Variants in TMEM131 observed in about 807,000 individuals in gnomAD.
The protein encoded by TMEM131 is transmembrane protein 131, also known as 2610524E03Rik.
Under a neutral mutation model 211.6 loss-of-function variants are expected in TMEM131, and 66 were observed. The ratio of observed to expected loss-of-function variants is 0.31; its 90% CI spans 0.26 to 0.38. The LOEUF (loss-of-function observed/expected upper bound fraction) is 0.38. Among genes scored for constraint, TMEM131 ranks in the 10% least tolerant of loss-of-function variants. The pLI, the probability that TMEM131 is intolerant of heterozygous loss-of-function variation, is 1.00. For missense variants in TMEM131, 2,036 were observed against 2,299.3 expected, an observed-to-expected ratio of 0.89 and a Z score of 2.34; for synonymous variants, 844 against 841.3, an observed-to-expected ratio of 1.00 and a Z score of -0.06.
intron 13 of TMEM131, among the ~76,000 whole-genome samples, 181 bp downstream of exon 13, chr2:97,815,018 A>G (rs951820528): frequency 6.6e-6 from 1 of 152,158 alleles, no homozygotes; most frequent in African/African-American, 2.4e-5. Context: ...TTTCTTCTAA[A>G]AAAGTAAAAT....
intron 19 of TMEM131, among the ~76,000 whole-genome samples, chr2:97,808,549 C>T (rs1039920853): frequency 2.6e-5 from 4 of 152,116 alleles, no homozygotes; most frequent in African/African-American, 9.7e-5. Flanking sequence ...TTTGTATGAC[C>T]TCTTTAGGAT....
Position 97,947,360 on chromosome 2 carries a change from C to A in TMEM131, c.188-19873G>T, listed in dbSNP as rs1328522795. Among the ~76,000 whole-genome samples, 3 of 152,002 alleles carry A rather than the reference C, an allele frequency of 2.0e-5. No individual in the cohort carries two copies. In the East Asian group the frequency reaches 5.8e-4, roughly 29 times the overall value. On this transcript the variant is annotated intron_variant, in intron 1 of 40. Coordinates refer to ENST00000186436, the MANE Select transcript of TMEM131 (RefSeq NM_015348.2). ...TACTAGAATTTTTTTGATTCTGGTA[C>A]AATTTTTACAGGTGATACAGGATAT...
intron 11 of TMEM131, among the ~76,000 whole-genome samples, chr2:97,826,692 G>C (rs2105030921): frequency 6.6e-6 from 1 of 152,134 alleles, no homozygotes; most frequent in Middle Eastern, 3.4e-3. Flanking sequence ...CAAAAAAGAA[G>C]TCAAAGAGAA....
chr2:97,848,120 G>T (rs1348528956), intron 5 of TMEM131, among the ~76,000 whole-genome samples: 2 of 152,110 alleles, frequency 1.3e-5, no homozygotes, highest in Admixed American at 6.5e-5. Context: ...ATACGTATTA[G>T]AACATAGTGA....
At chr2:97,991,786 A>C (rs1680279205) in intron 1 of TMEM131, among the ~76,000 whole-genome samples, 2 of 152,228 alleles carry the variant, frequency 1.3e-5, no homozygotes, top group Admixed American at 6.5e-5. Context: ...GAACACCTAA[A>C]ATATCAAGCA....
chr2:97,880,316 A>C (rs1274049663), intron 4 of TMEM131, among the ~76,000 whole-genome samples: 1 of 152,196 alleles, frequency 6.6e-6, no homozygotes, highest in African/African-American at 2.4e-5. Flanking sequence ...ATAGGAAACC[A>C]TTAAAGGAAT....
chr2:97,869,567 G>T lies in TMEM131; in HGVS notation c.360-10140C>A, dbSNP rs191811022. Among the ~76,000 whole-genome samples, 20 of 152,324 alleles carry T rather than the reference G, an allele frequency of 1.3e-4. No homozygotes were observed. The East Asian group carries it at 3.5e-3, about 26-fold the overall frequency. ...AAGCTGTCAGGAAGGACATCAGCAGGCTATTTTAGTCGTTGCGTGCTCAAA... is the reference window on the plus strand; with the variant it reads ...AAGCTGTCAGGAAGGACATCAGCAGTCTATTTTAGTCGTTGCGTGCTCAAA... On this transcript the variant is annotated intron_variant, in intron 4 of 40. Transcript: ENST00000186436.
chr2:97,759,771 C>A (rs375725316), intron 38 of TMEM131, 22 bp from the exon 39 acceptor site: 1 of 1,582,526 alleles, frequency 6.3e-7, no homozygotes, highest in East Asian at 2.3e-5. Flanking sequence ...AAGAGGAAAA[C>A]GCAACACACA....
Position 97,792,905 on chromosome 2 carries a change from C to T in TMEM131, c.3625G>A (p.Gly1209Arg), listed in dbSNP as rs754996947. ...AGGSSSRPSA[G>R]SHKQCGPSVH... is the part of the protein sequence containing the mutation. Reference sequence around the variant, plus strand: ...GATGGGCCACACTGCTTATGACTCCCGGCACTGGGTCGGGATGATGAACCG... The same window carrying T: ...GATGGGCCACACTGCTTATGACTCCTGGCACTGGGTCGGGATGATGAACCG... The change falls in exon 31 of 41, where the codon GGG (glycine) becomes AGG (arginine). Residue 1209 changes from glycine (G) to arginine (R), a missense_variant. By Grantham distance (125) the Gly-to-Arg change is moderately radical. Coordinates refer to ENST00000186436, the MANE Select transcript of TMEM131 (RefSeq NM_015348.2). 1.4e-5 allele frequency: 23 copies of T among 1,612,628 alleles called. No individual in the cohort carries two copies. Among genetic ancestry groups the T allele is most frequent in the South Asian group, 2.2e-5 (2 of 90,956 alleles).
chr2:97,971,677 T>C (rs956873716), intron 1 of TMEM131, among the ~76,000 whole-genome samples: 1 of 152,212 alleles, frequency 6.6e-6, no homozygotes, highest in Non-Finnish European at 1.5e-5. Flanking sequence ...TTTCTAATAA[T>C]GTCTTACTGT....
rs1258655217 is a variant in TMEM131, at chr2:97,801,878, G to A, written c.2718+17C>T. The A allele has an allele frequency of 5.2e-6, 8 of 1,541,828 alleles. No individual in the cohort carries two copies. Among genetic ancestry groups the A allele is most frequent in the Non-Finnish European group, 6.2e-6 (7 of 1,128,438 alleles). On this transcript the variant is annotated intron_variant, in intron 25 of 40. Transcript: ENST00000186436. ...TAAAATAATTTCTTTGGAATAGTATGAAGTTTGAATACTTACACTGTTTCT... is the reference window on the plus strand; with the variant it reads ...TAAAATAATTTCTTTGGAATAGTATAAAGTTTGAATACTTACACTGTTTCT...
intron 2 of TMEM131, among the ~76,000 whole-genome samples, chr2:97,920,453 A>C (rs1676693306): frequency 1.3e-5 from 2 of 152,208 alleles, no homozygotes; most frequent in Non-Finnish European, 2.9e-5. Context: ...AGGTAAGAAA[A>C]AGAAAAGGTA....
intron 1 of TMEM131, among the ~76,000 whole-genome samples, chr2:97,953,528 C>A (rs1164389665): frequency 6.6e-6 from 1 of 152,026 alleles, no homozygotes; most frequent in Non-Finnish European, 1.5e-5. Context: ...AACAGAGTTG[C>A]AAAATAATAA....
chr2:97,773,259 C>A (rs530211903), intron 32 of TMEM131, among the ~76,000 whole-genome samples: 2 of 152,286 alleles, frequency 1.3e-5, no homozygotes, highest in East Asian at 3.9e-4. Context: ...GGCTGTTTGT[C>A]CAGTTCATCC....
chr2:97,957,202 T>C (rs1678611145), intron 1 of TMEM131, among the ~76,000 whole-genome samples: 1 of 152,048 alleles, frequency 6.6e-6, no homozygotes, highest in Admixed American at 6.6e-5. Context: ...GGAAAAAAAT[T>C]GAAAGACACC....
chr2:97,823,092 A>C (rs571829057), intron 11 of TMEM131, among the ~76,000 whole-genome samples: 1 of 152,192 alleles, frequency 6.6e-6, no homozygotes, highest in Admixed American at 6.5e-5. Flanking sequence ...AGAATCCACA[A>C]CTATGCAAAG....
At chr2:97,818,254 GT>G (rs1422087052) in intron 12 of TMEM131, among the ~76,000 whole-genome samples, 4 of 152,002 alleles carry the variant, frequency 2.6e-5, no homozygotes, top group South Asian at 2.1e-4. Flanking sequence ...ATTCAAACAT[GT>G]TTCAGAACTT....
At chr2:97,880,332 G>T (rs1674874514) in intron 4 of TMEM131, among the ~76,000 whole-genome samples, 1 of 152,186 alleles carries the variant, frequency 6.6e-6, no homozygotes, top group South Asian at 2.1e-4. Context: ...GGAATTTTGG[G>T]GGAGGGGAAG....
At position 97,829,376 on chromosome 2, in the gene TMEM131, G is replaced by A. The variant is rs931549800; in HGVS notation, c.1074+3989C>T. Among the ~76,000 whole-genome samples the A allele has an allele frequency of 5.8e-4, 81 of 138,676 alleles. 1 individual carries two copies. The highest frequency in any genetic ancestry group is 1.9e-3 in the African/African-American group (76 of 40,398). The allele number at this position is 138,676 out of a possible 152,430, so 91.0% of individuals were successfully genotyped here. A position where few individuals can be genotyped will look rare whatever the true frequency, so the allele number is the denominator to read the frequency against. On this transcript the variant is annotated intron_variant, in intron 11 of 40. Coordinates refer to ENST00000186436, the MANE Select transcript of TMEM131 (RefSeq NM_015348.2). ...ATTGTAAATGCACCAATCAGCACTC[G>A]GTAAAAACGCACCAATCAGCGCTCT...
Sources: gnomAD v4.1 joint callset for allele counts (sites outside exome capture counted in the v4.1 genomes callset) on GRCh38, gnomAD v4.1.1 for gene constraint, MANE v1.5 for transcripts, NCBI Gene and HGNC (gene_info 2026-07-23, HGNC 2026-07-21) for gene names.